GADL1: variants seen among roughly 807,000 people sequenced by gnomAD.
GADL1 encodes the protein GAD like acidic amino acid decarboxylase 1.
Under a neutral mutation model 69.5 loss-of-function variants are expected in GADL1, and 71 were observed. The ratio of observed to expected loss-of-function variants is 1.02; its 90% CI spans 0.84 to 1.25. The LOEUF is 1.25. Ranked by LOEUF, GADL1 falls within the 50% of genes most tolerant of loss-of-function variation. The probability of loss-of-function intolerance (pLI) is 0.00; values close to 1 mark genes in which losing one functional copy is unlikely to be tolerated. For synonymous variants in GADL1, 254 were observed against 214.4 expected (o/e 1.18, Z -1.62); for missense variants, 737 against 631.8 (o/e 1.17, Z -1.79).
intron 12 of GADL1, among the ~76,000 whole-genome samples, chr3:30,789,853 G>T (rs144324999): frequency 2.0e-5 from 3 of 152,162 alleles, no homozygotes; most frequent in Admixed American, 6.6e-5. Flanking sequence ...TTAGGGTCTT[G>T]CTCTGAATTG....
chr3:30,869,526 G>A (rs1431588410), intron 1 of GADL1, among the ~76,000 whole-genome samples: 3 of 151,824 alleles, frequency 2.0e-5, no homozygotes, highest in East Asian at 1.9e-4. Context: ...GAAGGCTTAG[G>A]GATTGAACCA....
chr3:30,845,355 T>A (rs1190793054), intron 6 of GADL1, among the ~76,000 whole-genome samples: 1 of 152,154 alleles, frequency 6.6e-6, no homozygotes, highest in African/African-American at 2.4e-5. Flanking sequence ...GGACAGGTGG[T>A]CAATTAATTC....
At chr3:30,804,946 T>C (rs1208204141) in intron 11 of GADL1, among the ~76,000 whole-genome samples, 1 of 151,822 alleles carries the variant, frequency 6.6e-6, no homozygotes, top group Non-Finnish European at 1.5e-5. Context: ...CTTTTAGGAG[T>C]CTGGACCTTT....
intron 11 of GADL1, among the ~76,000 whole-genome samples, chr3:30,827,329 AGTACACATTTATGACTAGGTG>A (rs554034377): frequency 1.3e-4 from 19 of 151,220 alleles, no homozygotes; most frequent in Admixed American, 2.6e-4. Flanking sequence ...CATTAGGACC[AGTACACATTTATGACTAGGTG>A]GTAACTGATG....
intron 2 of GADL1, among the ~76,000 whole-genome samples, chr3:30,857,798 G>A (rs557647768): frequency 1.3e-4 from 19 of 151,918 alleles, no homozygotes; most frequent in African/African-American, 4.1e-4. Context: ...GTCTCATCTG[G>A]GACTACTTTC....
At chr3:30,741,112 G>GTATA (rs67611024) in intron 14 of GADL1, among the ~76,000 whole-genome samples, 44 of 113,906 alleles carry the variant, frequency 3.9e-4, no homozygotes, top group African/African-American at 1.2e-3. Context: ...TGTATTCCTA[G>GTATA]TATATATATA....
intron 11 of GADL1, among the ~76,000 whole-genome samples, chr3:30,823,787 C>G (rs1190761113): frequency 6.6e-6 from 1 of 151,754 alleles, no homozygotes; most frequent in Non-Finnish European, 1.5e-5. Flanking sequence ...CGCCAATAAC[C>G]TAGAGATGAC....
intron 1 of GADL1, among the ~76,000 whole-genome samples, chr3:30,885,253 C>G (rs9824512): frequency 0.048 from 7,221 of 151,928 alleles, 608 homozygotes; most frequent in African/African-American, 0.16. Flanking sequence ...TAATTTCCAG[C>G]CAATTATTTT....
At chr3:30,736,322 T>C (rs1695540793) in intron 14 of GADL1, among the ~76,000 whole-genome samples, 1 of 152,136 alleles carries the variant, frequency 6.6e-6, no homozygotes, top group Non-Finnish European at 1.5e-5. Context: ...AGATTCTCTG[T>C]GACTTTGGGC....
At chr3:30,747,320 C>T (rs929901600) in intron 14 of GADL1, among the ~76,000 whole-genome samples, 8 of 152,244 alleles carry the variant, frequency 5.3e-5, no homozygotes, top group South Asian at 4.1e-4. Flanking sequence ...AGACACACCA[C>T]GAGAAAATGT....
chr3:30,871,988 A>C (rs1698489863), intron 1 of GADL1, among the ~76,000 whole-genome samples: 1 of 151,920 alleles, frequency 6.6e-6, no homozygotes, highest in South Asian at 2.1e-4. Context: ...AGAGACACTT[A>C]CTCCTATTGC....
chr3:30,832,156 C>A (rs1697803282), intron 11 of GADL1, among the ~76,000 whole-genome samples: 1 of 151,804 alleles, frequency 6.6e-6, no homozygotes, highest in African/African-American at 2.4e-5. Context: ...CATCTCATAT[C>A]TCATGGTTTA....
intron 14 of GADL1, among the ~76,000 whole-genome samples, chr3:30,769,552 C>A (rs1462579212): frequency 1.0e-4 from 3 of 28,950 alleles, no homozygotes; most frequent in Non-Finnish European, 1.8e-4. Flanking sequence ...TAATCATGGG[C>A]CAGCTTAGGC....
chr3:30,790,412 A>G (rs754517785), intron 12 of GADL1, among the ~76,000 whole-genome samples: 3 of 152,200 alleles, frequency 2.0e-5, no homozygotes, highest in South Asian at 2.1e-4. Flanking sequence ...AAGTGAGCAC[A>G]TGCTGTTGGG....
At chr3:30,754,632 CAAAA>C (rs11324385) in intron 14 of GADL1, among the ~76,000 whole-genome samples, 5 of 149,572 alleles carry the variant, frequency 3.3e-5, no homozygotes, top group African/African-American at 9.7e-5. Flanking sequence ...GCCAAGAATA[CAAAA>C]AAAAAACTGC....
chr3:30,765,790 C>A (rs1000439881), intron 14 of GADL1, among the ~76,000 whole-genome samples: 5 of 152,182 alleles, frequency 3.3e-5, no homozygotes, highest in Non-Finnish European at 1.5e-5. Context: ...TCTACTGTAT[C>A]ATAGGGGAAT....
intron 14 of GADL1, among the ~76,000 whole-genome samples, chr3:30,763,039 G>C (rs1020569384): frequency 6.6e-6 from 1 of 152,162 alleles, no homozygotes; most frequent in African/African-American, 2.4e-5. Flanking sequence ...AAACATGGGA[G>C]TGCAGTTATC....
intron 9 of GADL1, among the ~76,000 whole-genome samples, chr3:30,838,350 G>A (rs1697906482): frequency 6.6e-6 from 1 of 152,086 alleles, no homozygotes; most frequent in Non-Finnish European, 1.5e-5. Flanking sequence ...AGTTACCTTC[G>A]ATTTAAGGAA....
chr3:30,730,367 G>A (rs1247501111), intron 14 of GADL1, among the ~76,000 whole-genome samples: 1 of 152,150 alleles, frequency 6.6e-6, no homozygotes, highest in African/African-American at 2.4e-5. Flanking sequence ...AGATAAAGGG[G>A]GATGGCTAAA....
Sources: gnomAD v4.1 joint callset for allele counts (sites outside exome capture counted in the v4.1 genomes callset) on GRCh38, gnomAD v4.1.1 for gene constraint, MANE v1.5 for transcripts, NCBI Gene and HGNC (gene_info 2026-07-23, HGNC 2026-07-21) for gene names.